Variants in DNAAF4 observed in about 807,000 individuals in gnomAD.
DNAAF4 encodes the protein dynein assembly factor 4, axonemal.
DNAAF4 carries 43 observed loss-of-function variants against 51.8 expected under a neutral mutation model. That is an observed-to-expected ratio of 0.83 (90% CI 0.65 to 1.07). The LOEUF is 1.07. Ranked by LOEUF, DNAAF4 falls within the 50% of genes least tolerant of loss-of-function variation. The pLI is 0.00. For synonymous variants in DNAAF4, 194 were observed against 165.6 expected (o/e 1.17, Z -1.32); for missense variants, 581 against 493.0 (o/e 1.18, Z -1.69).
intron 5 of DNAAF4, among the ~76,000 whole-genome samples, chr15:55,453,864 T>G (rs1567013728): frequency 6.6e-6 from 1 of 152,004 alleles, no homozygotes; most frequent in Non-Finnish European, 1.5e-5. Context: ...AACAGAACTT[T>G]CAAAATGAAA....
intron 3 of DNAAF4, among the ~76,000 whole-genome samples, chr15:55,491,733 T>G (rs2058576554): frequency 7.1e-6 from 1 of 139,974 alleles, no homozygotes; most frequent in Non-Finnish European, 1.5e-5. Flanking sequence ...GTATATAATA[T>G]AATATATAAT....
intron 5 of DNAAF4, among the ~76,000 whole-genome samples, chr15:55,461,388 G>A (rs779322978): frequency 6.6e-5 from 10 of 151,978 alleles, no homozygotes; most frequent in Admixed American, 6.6e-5. Context: ...GAGCCACCAC[G>A]CCCAGCCCAT....
At chr15:55,428,484 C>CTTTTTTTTTTTTTTTTT (rs747325376), downstream of DNAAF4, among the ~76,000 whole-genome samples, 4 of 85,014 alleles carry the variant, frequency 4.7e-5, no homozygotes, top group South Asian at 4.7e-4. Flanking sequence ...TCTTTTTTTT[C>CTTTTTTTTTTTTTTTTT]TTTTTTTTTT....
At chr15:55,453,388 AGAC>A (rs2057966477) in intron 5 of DNAAF4, among the ~76,000 whole-genome samples, 1 of 152,134 alleles carries the variant, frequency 6.6e-6, no homozygotes. Flanking sequence ...ACAACAAATA[AGAC>A]GACTGGCTCC....
rs1267809145 is a variant in DNAAF4, at chr15:55,498,386, G to T, written c.-57C>A. On this transcript the variant is annotated 5_prime_UTR_variant, in exon 2 of 10. Transcript: ENST00000321149. Reference sequence around the variant, plus strand: ...GGTTGCTTCTTGCGCCTGCTTGGTTGCTAGGGAAGCTGGGGTTACCATGCG... The same window carrying T: ...GGTTGCTTCTTGCGCCTGCTTGGTTTCTAGGGAAGCTGGGGTTACCATGCG... 1.9e-5 allele frequency: 30 copies of T among 1,572,344 alleles called. No homozygotes were observed. The highest frequency in any genetic ancestry group is 2.6e-5 in the Non-Finnish European group (30 of 1,156,092).
intron 4 of DNAAF4, among the ~76,000 whole-genome samples, chr15:55,485,713 G>A (rs915805654): frequency 1.3e-5 from 2 of 152,114 alleles, no homozygotes; most frequent in Non-Finnish European, 1.5e-5. Flanking sequence ...AAAAGTAGGC[G>A]GCCAAGCGCA....
intron 8 of DNAAF4, among the ~76,000 whole-genome samples, chr15:55,433,912 A>ATT (rs1555413829): frequency 1.2e-4 from 1 of 8,204 alleles, no homozygotes; most frequent in Non-Finnish European, 1.6e-4. Flanking sequence ...TATTATATAT[A>ATT]ATTATATATA....
intron 4 of DNAAF4, among the ~76,000 whole-genome samples, chr15:55,476,827 T>C (rs1436257896): frequency 6.6e-6 from 1 of 151,976 alleles, no homozygotes. Flanking sequence ...GGATAGAGAA[T>C]AGAGAGTTAT....
At chr15:55,431,900 A>T (rs1328125656) in intron 9 of DNAAF4, among the ~76,000 whole-genome samples, 1 of 152,096 alleles carries the variant, frequency 6.6e-6, no homozygotes, top group Non-Finnish European at 1.5e-5. Flanking sequence ...TATAGGCGTG[A>T]AGCACCACAC....
chr15:55,433,954 A>ATATAATATATTATAATATTATAAT, intron 8 of DNAAF4, among the ~76,000 whole-genome samples: 1 of 52,688 alleles, frequency 1.9e-5, no homozygotes, highest in South Asian at 4.0e-4. Flanking sequence ...TAATATATAT[A>ATATAATATATTATAATATTATAAT]ATATATATAA....
chr15:55,497,407 C>T (rs867069183), intron 3 of DNAAF4, among the ~76,000 whole-genome samples: 27 of 151,786 alleles, frequency 1.8e-4, no homozygotes, highest in African/African-American at 5.6e-4. Context: ...GTGAGACCAG[C>T]CTGGCCAACA....
At chr15:55,422,786 C>G (rs1035421356) in intron 7 of DNAAF4, among the ~76,000 whole-genome samples, 1 of 152,142 alleles carries the variant, frequency 6.6e-6, no homozygotes, top group Non-Finnish European at 1.5e-5. Flanking sequence ...CGCCTGAGGT[C>G]AGGCGTTTGA....
intron 1 of DNAAF4, among the ~76,000 whole-genome samples, chr15:55,505,154 G>A (rs1595965497): frequency 6.6e-6 from 1 of 152,076 alleles, no homozygotes; most frequent in African/African-American, 2.4e-5. Flanking sequence ...GCATCCAACA[G>A]ACATATGAAA....
intron 5 of DNAAF4, among the ~76,000 whole-genome samples, chr15:55,462,680 A>C (rs2058110437): frequency 6.6e-6 from 1 of 152,154 alleles, no homozygotes; most frequent in Admixed American, 6.6e-5. Flanking sequence ...ATGAACACAG[A>C]TGTAACACTC....
At chr15:55,478,824 C>T (rs1047360828) in intron 4 of DNAAF4, among the ~76,000 whole-genome samples, 6 of 152,212 alleles carry the variant, frequency 3.9e-5, no homozygotes, top group Admixed American at 2.6e-4. Flanking sequence ...GGCCCAATAT[C>T]GATGCACACA....
chr15:55,484,425 C>T (rs2058457262), intron 4 of DNAAF4, among the ~76,000 whole-genome samples: 1 of 149,784 alleles, frequency 6.7e-6, no homozygotes, highest in Non-Finnish European at 1.5e-5. Context: ...GCGGAGCTTG[C>T]AGTGAGCCGA....
intron 4 of DNAAF4, among the ~76,000 whole-genome samples, chr15:55,486,266 T>C (rs572751846): frequency 1.3e-5 from 2 of 151,108 alleles, no homozygotes; most frequent in Non-Finnish European, 2.9e-5. Flanking sequence ...TGATCTCAGC[T>C]CACTGCAACC....
chr15:55,436,765 C>T (rs1398775470), intron 7 of DNAAF4, among the ~76,000 whole-genome samples: 1 of 152,152 alleles, frequency 6.6e-6, no homozygotes, highest in African/African-American at 2.4e-5. Flanking sequence ...AGTATCTACC[C>T]ATCTTGGCCT....
intron 4 of DNAAF4, among the ~76,000 whole-genome samples, chr15:55,471,577 G>T (rs1394403190): frequency 6.6e-6 from 1 of 150,930 alleles, no homozygotes; most frequent in Non-Finnish European, 1.5e-5. Context: ...GCAGCGGCAC[G>T]ATCTCGGGTC....
Sources: allele counts gnomAD v4.1 joint callset (sites outside exome capture counted in the v4.1 genomes callset), GRCh38; gene constraint gnomAD v4.1.1; transcripts MANE v1.5; gene names NCBI Gene and HGNC (gene_info 2026-07-23, HGNC 2026-07-21).